TFPI: variants seen among roughly 807,000 people sequenced by gnomAD.
TFPI encodes tissue factor pathway inhibitor, also known as anti-convertin.
In TFPI, 15 loss-of-function variants were observed where a neutral mutation model predicts 34.6. The ratio of observed to expected loss-of-function variants is 0.43; its 90% CI spans 0.29 to 0.67. The LOEUF (loss-of-function observed/expected upper bound fraction) is 0.67. Among genes scored for constraint, TFPI ranks in the 30% least tolerant of loss-of-function variants. The pLI, the probability that TFPI is intolerant of heterozygous loss-of-function variation, is 0.15. For missense variants in TFPI, 301 were observed against 364.0 expected, an observed-to-expected ratio of 0.83 and a Z score of 1.41; for synonymous variants, 105 against 120.1, an observed-to-expected ratio of 0.87 and a Z score of 0.82.
At chr2:187,521,371 T>G (rs573732116) in intron 1 of TFPI, among the ~76,000 whole-genome samples, 5 of 152,072 alleles carry the variant, frequency 3.3e-5, no homozygotes, top group African/African-American at 1.2e-4. Context: ...CATATCTTGG[T>G]TATTGTGAGT....
chr2:187,548,119 T>C, intron 1 of TFPI, among the ~76,000 whole-genome samples: 1 of 152,102 alleles, frequency 6.6e-6, no homozygotes, highest in Admixed American at 6.6e-5. Context: ...CCAGAGATCT[T>C]TCTTTAATAA....
chr2:187,498,460 T>C (rs1364819798), intron 2 of TFPI, among the ~76,000 whole-genome samples: 1 of 151,870 alleles, frequency 6.6e-6, no homozygotes, highest in African/African-American at 2.4e-5. Flanking sequence ...ATTGAAATGA[T>C]ATTGTTAATT....
chr2:187,548,821 T>C (rs1203912555), intron 1 of TFPI, among the ~76,000 whole-genome samples: 1 of 152,108 alleles, frequency 6.6e-6, no homozygotes, highest in East Asian at 1.9e-4. Flanking sequence ...TCTCTTGTTA[T>C]GGGAATTGAG....
chr2:187,478,436 TA>T, intron 6 of TFPI: 1 of 383,782 alleles, frequency 2.6e-6, no homozygotes, highest in Non-Finnish European at 4.5e-6. Flanking sequence ...AAGGGATGTA[TA>T]AAAATCAGGA....
At position 187,484,140 on chromosome 2, in the gene TFPI, C is replaced by G. The variant is rs763807243; in HGVS notation, c.612G>C (p.Lys204Asn). 3 of 1,612,120 alleles carry G rather than the reference C, an allele frequency of 1.9e-6. No individual in the cohort carries two copies. The highest frequency in any genetic ancestry group is 2.5e-6 in the Non-Finnish European group (3 of 1,178,670). The change falls in exon 6 of 8, where the codon AAG (lysine) becomes AAC (asparagine). Residue 204 changes from lysine (K) to asparagine (N), a missense_variant. Lys to Asn is a moderately conservative substitution (Grantham distance 94). Transcript: ENST00000233156. ...VNNSLTPQSTKVPSLFEFHGP... is the reference protein window; with the variant it reads ...VNNSLTPQSTNVPSLFEFHGP... ...GATTCTTACCAAAAAGGCTGGGAAC[C>G]TTGGTTGATTGCGGAGTCAGGGAGT...
At chr2:187,552,768 T>C (rs567863406) in intron 1 of TFPI, among the ~76,000 whole-genome samples, 1 of 152,214 alleles carries the variant, frequency 6.6e-6, no homozygotes, top group Non-Finnish European at 1.5e-5. Flanking sequence ...AGGAATCAAA[T>C]AGTAGTATAT....
chr2:187,475,930 T>G (rs1478114825), intron 6 of TFPI, among the ~76,000 whole-genome samples: 1 of 152,176 alleles, frequency 6.6e-6, no homozygotes. Context: ...TGTACCATAG[T>G]CCACAGTTAC....
chr2:187,497,133 T>A, intron 2 of TFPI, 55 bp from the exon 3 acceptor site: 1 of 1,451,038 alleles, frequency 6.9e-7, no homozygotes, highest in Non-Finnish European at 9.4e-7. Context: ...ACTGTAATAA[T>A]GTTCTTTATT....
In TFPI at chr2:187,517,324, C is replaced by G. The variant is rs184092565; in HGVS notation, c.-2-13554G>C. On this transcript the variant is annotated intron_variant, in intron 1 of 7. Transcript: ENST00000233156. ...TCTAAACACTGCTTTAGCTGTGTCC[C>G]AGAGATTCTTGTATGTTGTGTCTTT... 2.6e-4 allele frequency: 39 copies of G among 152,252 alleles called. No homozygotes were observed. The East Asian group carries it at 7.2e-3, about 28-fold the overall frequency. The allele number at this position is 152,252 out of a possible 1,614,324, so 9.4% of individuals were successfully genotyped here.
chr2:187,494,626 C>T (rs976867021), intron 3 of TFPI, among the ~76,000 whole-genome samples: 3 of 152,118 alleles, frequency 2.0e-5, no homozygotes, highest in Non-Finnish European at 4.4e-5. Context: ...TCCTTAGGTG[C>T]GTTTTTAAAA....
At chr2:187,538,644 G>A (rs888639984) in intron 1 of TFPI, among the ~76,000 whole-genome samples, 1 of 152,154 alleles carries the variant, frequency 6.6e-6, no homozygotes, top group Non-Finnish European at 1.5e-5. Context: ...TAGATGATGG[G>A]TTGATGGGTG....
chr2:187,474,859 AGAG>A (rs1384333490), intron 6 of TFPI, among the ~76,000 whole-genome samples: 9 of 152,174 alleles, frequency 5.9e-5, no homozygotes, highest in Non-Finnish European at 1.2e-4. Context: ...CTGAATATAA[AGAG>A]GAAATTGTAG....
At chr2:187,552,308 T>C (rs1689124961) in intron 1 of TFPI, among the ~76,000 whole-genome samples, 1 of 152,036 alleles carries the variant, frequency 6.6e-6, no homozygotes, top group South Asian at 2.1e-4. Context: ...GTCTCTAAAG[T>C]TGGCATTTTT....
chr2:187,505,274 G>C (rs1427144080), intron 1 of TFPI, among the ~76,000 whole-genome samples: 1 of 152,130 alleles, frequency 6.6e-6, no homozygotes, highest in East Asian at 1.9e-4. Context: ...CCTTGAGAGA[G>C]AGGGCTCTAA....
At chr2:187,549,662 T>C (rs1454818492) in intron 1 of TFPI, among the ~76,000 whole-genome samples, 1 of 152,158 alleles carries the variant, frequency 6.6e-6, no homozygotes, top group Admixed American at 6.6e-5. Flanking sequence ...TAAACACTTA[T>C]GTACTCATAT....
intron 1 of TFPI, among the ~76,000 whole-genome samples, chr2:187,545,221 C>A (rs1688797982): frequency 6.6e-6 from 1 of 152,100 alleles, no homozygotes; most frequent in East Asian, 1.9e-4. Flanking sequence ...TAAAACTGTT[C>A]ACTGTATAGA....
intron 1 of TFPI, chr2:187,517,937 G>GTT (rs778817402): frequency 1.3e-5 from 2 of 152,178 alleles, no homozygotes; most frequent in Non-Finnish European, 2.9e-5. Flanking sequence ...TTTAAAGCCT[G>GTT]TTTTATCAGA....
At chr2:187,496,848 G>A in intron 3 of TFPI, 33 bp downstream of exon 3, 1 of 1,594,798 alleles carries the variant, frequency 6.3e-7, no homozygotes, top group Non-Finnish European at 8.6e-7. Context: ...AGCCCTAAAG[G>A]GTCTTGAGTA....
At chr2:187,495,084 C>T (rs1485376981) in intron 3 of TFPI, among the ~76,000 whole-genome samples, 1 of 152,018 alleles carries the variant, frequency 6.6e-6, no homozygotes, top group African/African-American at 2.4e-5. Flanking sequence ...TACATGCTAG[C>T]CAGAAATGAT....
Sources: gnomAD v4.1 joint callset for allele counts (sites outside exome capture counted in the v4.1 genomes callset) on GRCh38, gnomAD v4.1.1 for gene constraint, MANE v1.5 for transcripts, NCBI Gene and HGNC (gene_info 2026-07-23, HGNC 2026-07-21) for gene names.